Variants in SLC24A2 observed in about 807,000 individuals in gnomAD.
The protein encoded by SLC24A2 is sodium/potassium/calcium exchanger 2.
Under a neutral mutation model 62.0 loss-of-function variants are expected in SLC24A2, and 36 were observed. The observed-to-expected ratio is 0.58, with a 90% CI of 0.44 to 0.77. SLC24A2 has a LOEUF of 0.77. Ranked by LOEUF, SLC24A2 falls within the 30% of genes least tolerant of loss-of-function variation. The pLI, the probability that SLC24A2 is intolerant of heterozygous loss-of-function variation, is 0.00. For synonymous variants in SLC24A2, 358 were observed against 294.0 expected, an observed-to-expected ratio of 1.22 and a Z score of -2.23; for missense variants, 846 against 817.9, an observed-to-expected ratio of 1.03 and a Z score of -0.42.
intron 2 of SLC24A2, among the ~76,000 whole-genome samples, chr9:19,628,483 C>A (rs1321660874): frequency 6.6e-6 from 1 of 152,214 alleles, no homozygotes. Context: ...AACAACCCGA[C>A]TACCCCTGCT....
At chr9:19,753,577 T>C (rs1822048048) in intron 2 of SLC24A2, among the ~76,000 whole-genome samples, 1 of 152,222 alleles carries the variant, frequency 6.6e-6, no homozygotes, top group Non-Finnish European at 1.5e-5. Flanking sequence ...ATGAATTAAA[T>C]TTCATTACTG....
the SLC24A2 span, among the ~76,000 whole-genome samples, chr9:19,966,807 A>C: frequency 6.6e-6 from 1 of 152,182 alleles, no homozygotes; most frequent in Non-Finnish European, 1.5e-5. Flanking sequence ...GAGAGTATGA[A>C]ATTTTGAATA....
chr9:19,871,461 A>G, the SLC24A2 span, among the ~76,000 whole-genome samples: 22 of 152,150 alleles, frequency 1.4e-4, no homozygotes, highest in African/African-American at 5.3e-4. Context: ...TTCTATTGAT[A>G]TACCTTTAAA....
chr9:19,783,549 C>T (rs551666164), intron 2 of SLC24A2, among the ~76,000 whole-genome samples: 3 of 152,216 alleles, frequency 2.0e-5, no homozygotes, highest in Middle Eastern at 3.4e-3. Flanking sequence ...AGGATTCATC[C>T]CCATTTCAGG....
the SLC24A2 span, among the ~76,000 whole-genome samples, chr9:20,120,528 A>T: frequency 6.6e-6 from 1 of 152,126 alleles, no homozygotes; most frequent in Non-Finnish European, 1.5e-5. Flanking sequence ...AGAAGGGAAA[A>T]ATAGACACTA....
the SLC24A2 span, among the ~76,000 whole-genome samples, chr9:19,962,974 A>G: frequency 6.6e-6 from 1 of 152,184 alleles, no homozygotes; most frequent in African/African-American, 2.4e-5. Flanking sequence ...TTGCCCATTC[A>G]GTATGATATT....
the SLC24A2 span, among the ~76,000 whole-genome samples, chr9:19,808,853 G>T: frequency 0.79 from 120,524 of 152,106 alleles, 49,591 homozygotes; most frequent in Non-Finnish European, 0.92. The surrounding 1 kb of genome is among the most constrained non-coding windows in gnomAD (Gnocchi z 4.1). Context: ...GCCATGTGAT[G>T]TGTTACATCC....
chr9:19,563,829 C>A (rs1250541846), intron 7 of SLC24A2, among the ~76,000 whole-genome samples: 4 of 68,770 alleles, frequency 5.8e-5, no homozygotes, highest in Admixed American at 4.5e-4. Flanking sequence ...TTCCTTCCTC[C>A]CTCCCTCCCT....
chr9:20,027,864 T>C, the SLC24A2 span, among the ~76,000 whole-genome samples: 2 of 152,222 alleles, frequency 1.3e-5, no homozygotes, highest in South Asian at 4.1e-4. Flanking sequence ...TCAATGTATA[T>C]ATACTTCAAA....
chr9:19,890,506 G>A, the SLC24A2 span, among the ~76,000 whole-genome samples: 2 of 151,974 alleles, frequency 1.3e-5, no homozygotes, highest in African/African-American at 4.8e-5. Flanking sequence ...TAAAATACAA[G>A]GTCTCTGGTT....
chr9:19,568,898 G>A (rs950854053), intron 7 of SLC24A2, among the ~76,000 whole-genome samples: 2 of 152,138 alleles, frequency 1.3e-5, no homozygotes, highest in Non-Finnish European at 2.9e-5. Flanking sequence ...AACATGACTA[G>A]TTATTTGACA....
the SLC24A2 span, among the ~76,000 whole-genome samples, chr9:20,062,058 T>C: frequency 1.3e-5 from 2 of 151,960 alleles, no homozygotes; most frequent in Non-Finnish European, 2.9e-5. Context: ...AAACACAGCA[T>C]CTCTCCAAAA....
At chr9:19,868,773 C>T in the SLC24A2 span, among the ~76,000 whole-genome samples, 1 of 151,906 alleles carries the variant, frequency 6.6e-6, no homozygotes, top group Non-Finnish European at 1.5e-5. Context: ...TTTTCTTATA[C>T]TAATTTAGCA....
chr9:19,603,314 A>G (rs778651537), intron 4 of SLC24A2, among the ~76,000 whole-genome samples: 1 of 152,146 alleles, frequency 6.6e-6, no homozygotes, highest in East Asian at 1.9e-4. Flanking sequence ...AATCCTATCA[A>G]TTCTGGGCTG....
the SLC24A2 span, among the ~76,000 whole-genome samples, chr9:20,207,814 C>T: frequency 6.6e-6 from 1 of 151,060 alleles, no homozygotes; most frequent in Non-Finnish European, 1.5e-5. Flanking sequence ...TGTCAGTGAG[C>T]TTATGGTCCA....
chr9:20,288,290 G>A, the SLC24A2 span, among the ~76,000 whole-genome samples: 1 of 152,078 alleles, frequency 6.6e-6, no homozygotes, highest in Non-Finnish European at 1.5e-5. Context: ...GGTTCATATG[G>A]CAGTTTGTAT....
the SLC24A2 span, among the ~76,000 whole-genome samples, chr9:20,231,068 G>A: frequency 1.7e-4 from 26 of 152,126 alleles, 1 homozygote; most frequent in African/African-American, 6.3e-4. Context: ...ATTTCTGAGG[G>A]CTCTGTTCTG....
chr9:20,268,666 T>C, the SLC24A2 span, among the ~76,000 whole-genome samples: 28 of 152,192 alleles, frequency 1.8e-4, no homozygotes, highest in African/African-American at 5.5e-4. Context: ...ATAAATTATA[T>C]AGCCCAGTTT....
At chr9:19,821,612 A>G in the SLC24A2 span, among the ~76,000 whole-genome samples, 1 of 152,126 alleles carries the variant, frequency 6.6e-6, no homozygotes, top group Admixed American at 6.6e-5. Context: ...AGTGTTTTTA[A>G]TCTAAGGAAT....
Sources: gnomAD v4.1 joint callset for allele counts (sites outside exome capture counted in the v4.1 genomes callset) on GRCh38, gnomAD v4.1.1 for gene constraint, Gnocchi (gnomAD v3.1) non-coding constraint, MANE v1.5 for transcripts, NCBI Gene and HGNC (gene_info 2026-07-23, HGNC 2026-07-21) for gene names.